Variants in ADAMTSL1 observed in about 807,000 individuals in gnomAD.
ADAMTSL1 encodes ADAMTS-like protein 1.
A neutral mutation model predicts 201.8 loss-of-function variants in ADAMTSL1; 126 were observed. The ratio of observed to expected loss-of-function variants is 0.62; its 90% CI spans 0.54 to 0.72. The LOEUF is 0.72. Among genes scored for constraint, ADAMTSL1 ranks in the 30% least tolerant of loss-of-function variants. The pLI, the probability that ADAMTSL1 is intolerant of heterozygous loss-of-function variation, is 0.00. For synonymous variants in ADAMTSL1, 1,121 were observed against 903.4 expected (o/e 1.24, Z -4.32); for missense variants, 2,679 against 2,277.8 (o/e 1.18, Z -3.59).
chr9:18,471,777 G>A (rs946631903), upstream of ADAMTSL1, among the ~76,000 whole-genome samples: 1 of 152,190 alleles, frequency 6.6e-6, no homozygotes, highest in Non-Finnish European at 1.5e-5. Flanking sequence ...CTTTAAAATA[G>A]TATATTATTC....
At chr9:18,851,903 G>A (rs530951047) in intron 23 of ADAMTSL1, among the ~76,000 whole-genome samples, 114 of 152,324 alleles carry the variant, frequency 7.5e-4, no homozygotes, top group Non-Finnish European at 1.4e-3. Context: ...ATTTTATCAG[G>A]AAGCTGCTGA....
chr9:18,336,326 C>A (rs576220653), intron 2 of ADAMTSL1, among the ~76,000 whole-genome samples: 19 of 148,040 alleles, frequency 1.3e-4, no homozygotes, highest in African/African-American at 4.7e-4. Flanking sequence ...TTTTTTTTTA[C>A]CACAGGCAAC....
At chr9:18,202,179 G>T (rs180703739) in intron 2 of ADAMTSL1, among the ~76,000 whole-genome samples, 1 of 152,070 alleles carries the variant, frequency 6.6e-6, no homozygotes, top group East Asian at 1.9e-4. Context: ...GGGAAAAATC[G>T]TTAGTGTAAA....
At chr9:18,061,203 T>C (rs1822440536) in intron 1 of ADAMTSL1, among the ~76,000 whole-genome samples, 1 of 152,236 alleles carries the variant, frequency 6.6e-6, no homozygotes, top group South Asian at 2.1e-4. Flanking sequence ...TTTAAGTATT[T>C]GTGTAACATT....
intron 1 of ADAMTSL1, among the ~76,000 whole-genome samples, chr9:18,068,872 T>C (rs1822828833): frequency 6.6e-6 from 1 of 152,204 alleles, no homozygotes; most frequent in African/African-American, 2.4e-5. Flanking sequence ...TATAGTGCTA[T>C]ACAGCACTTT....
intron 2 of ADAMTSL1, among the ~76,000 whole-genome samples, chr9:18,295,892 T>C (rs557418847): frequency 6.6e-6 from 1 of 152,350 alleles, no homozygotes; most frequent in East Asian, 1.9e-4. Context: ...GAAGAATATA[T>C]GCCTTATGTT....
At chr9:18,214,017 A>G (rs1309653317) in intron 2 of ADAMTSL1, among the ~76,000 whole-genome samples, 2 of 152,166 alleles carry the variant, frequency 1.3e-5, no homozygotes, top group African/African-American at 4.8e-5. Flanking sequence ...GATTACAGGC[A>G]TGAGCCACCG....
At chr9:18,771,735 G>GTTTTTTTTTTT (rs754025785) in intron 17 of ADAMTSL1, among the ~76,000 whole-genome samples, 1 of 116,632 alleles carries the variant, frequency 8.6e-6, no homozygotes, top group African/African-American at 3.2e-5. Context: ...TTTTTTTTTG[G>GTTTTTTTTTTT]ATAGTATACA....
chr9:18,403,250 C>A (rs942639125), intron 2 of ADAMTSL1, among the ~76,000 whole-genome samples: 4 of 151,746 alleles, frequency 2.6e-5, no homozygotes, highest in Non-Finnish European at 5.9e-5. Flanking sequence ...GTAGCATGAT[C>A]TTGGCTCACT....
chr9:18,191,533 T>C (rs1828971162), intron 2 of ADAMTSL1, among the ~76,000 whole-genome samples: 1 of 152,170 alleles, frequency 6.6e-6, no homozygotes, highest in African/African-American at 2.4e-5. Flanking sequence ...GCCTGTTACC[T>C]TGGACAGGAC....
Position 18,579,661 on chromosome 9 carries a change from C to T in ADAMTSL1, c.474+5395C>T, listed in dbSNP as rs530116124. ...ACACATACGAAAGGGGCACTGACTTCCCAATGAATGAGCAGACCTTCTGTT... is the reference window on the plus strand; with the variant it reads ...ACACATACGAAAGGGGCACTGACTTTCCAATGAATGAGCAGACCTTCTGTT... On this transcript the variant is annotated intron_variant, in intron 4 of 28. Transcript: ENST00000380548. Among the ~76,000 whole-genome samples, 29 of 152,264 alleles carry T rather than the reference C, an allele frequency of 1.9e-4. 1 individual carries two copies. Among genetic ancestry groups the T allele is most frequent in the African/African-American group, 6.5e-4 (27 of 41,554 alleles).
chr9:18,044,721 C>A (rs1183225897), intron 1 of ADAMTSL1, among the ~76,000 whole-genome samples: 1 of 152,070 alleles, frequency 6.6e-6, no homozygotes, highest in Admixed American at 6.6e-5. Context: ...CTTTTAGGGG[C>A]ACTTGCAAAT....
In ADAMTSL1 at chr9:18,574,162, C is replaced by G. The variant is rs763947809; in HGVS notation, c.370C>G (p.Gln124Glu). The G allele has an allele frequency of 6.2e-7, 1 of 1,614,178 alleles. No individual in the cohort carries two copies. Among genetic ancestry groups the G allele is most frequent in the South Asian group, 1.1e-5 (1 of 91,072 alleles). The change falls in exon 4 of 29, where the codon CAA (glutamine) becomes GAA (glutamate). Residue 124 changes from glutamine (Q) to glutamate (E), a missense_variant. Coordinates refer to ENST00000380548, the MANE Select transcript of ADAMTSL1 (RefSeq NM_001040272.6). ...DPDNPCSLKC[Q>E]AKGTTLVVEL... ...TGACAACCCATGTTCACTCAAGTGC[C>G]AAGCCAAAGGAACAACCCTGGTTGT...
intron 1 of ADAMTSL1, among the ~76,000 whole-genome samples, chr9:18,107,628 C>T (rs1824817113): frequency 6.6e-6 from 1 of 152,076 alleles, no homozygotes; most frequent in Non-Finnish European, 1.5e-5. Context: ...AGTTTAGAGA[C>T]TTGAAAATAA....
chr9:18,614,734 C>T (rs1825593892), intron 4 of ADAMTSL1, among the ~76,000 whole-genome samples: 1 of 152,116 alleles, frequency 6.6e-6, no homozygotes, highest in Non-Finnish European at 1.5e-5. Flanking sequence ...CGTAATAGCA[C>T]CATAACAGCC....
At chr9:18,655,615 A>G (rs1233564466) in intron 7 of ADAMTSL1, among the ~76,000 whole-genome samples, 1 of 152,092 alleles carries the variant, frequency 6.6e-6, no homozygotes, top group Non-Finnish European at 1.5e-5. Flanking sequence ...CAAAAAGAAC[A>G]TCTGCAAAAA....
chr9:18,150,668 A>G (rs1268212555), intron 1 of ADAMTSL1, among the ~76,000 whole-genome samples: 1 of 151,978 alleles, frequency 6.6e-6, no homozygotes, highest in Non-Finnish European at 1.5e-5. Flanking sequence ...GAGCATAGAG[A>G]AAAGAATCAA....
At chr9:18,736,306 T>C (rs1167787168) in intron 15 of ADAMTSL1, among the ~76,000 whole-genome samples, 1 of 152,150 alleles carries the variant, frequency 6.6e-6, no homozygotes, top group East Asian at 1.9e-4. Flanking sequence ...GTGAGTAAGA[T>C]GACAGTTTGG....
chr9:18,794,374 A>T (rs959187861), intron 19 of ADAMTSL1, among the ~76,000 whole-genome samples: 2 of 150,826 alleles, frequency 1.3e-5, no homozygotes, highest in Non-Finnish European at 2.9e-5. Flanking sequence ...GTGCCTCCAC[A>T]CTCGTGGGTG....
Sources: allele counts gnomAD v4.1 joint callset (sites outside exome capture counted in the v4.1 genomes callset), GRCh38; gene constraint gnomAD v4.1.1; transcripts MANE v1.5; gene names NCBI Gene and HGNC (gene_info 2026-07-23, HGNC 2026-07-21).